The following NLRP13 variants were observed in gnomAD, a reference collection of about 807,000 sequenced individuals.
NLRP13 encodes NLR family pyrin domain containing 13.
A neutral mutation model predicts 94.4 loss-of-function variants in NLRP13; 82 were observed. The observed-to-expected ratio is 0.87, with a 90% confidence interval of 0.73 to 1.04. NLRP13 has a LOEUF of 1.04. NLRP13 is among the 50% of genes least tolerant of loss of function. The pLI is 0.00. For missense variants in NLRP13, 1,426 were observed against 1,230.8 expected (o/e 1.16, Z -2.37); for synonymous variants, 553 against 464.7 (o/e 1.19, Z -2.45).
intron 4 of NLRP13, among the ~76,000 whole-genome samples, chr19:55,914,772 G>A (rs550542687): frequency 2.6e-5 from 4 of 152,288 alleles, no homozygotes; most frequent in Middle Eastern, 3.4e-3. Context: ...TTTAAAGGCT[G>A]AATAGTATTC....
intron 6 of NLRP13, among the ~76,000 whole-genome samples, chr19:55,909,540 G>GA (rs56165547): frequency 0.72 from 104,923 of 146,144 alleles, 37,484 homozygotes; most frequent in Middle Eastern, 0.78. Context: ...GGATCTCCAG[G>GA]AAAAAAAAAA....
At chr19:55,931,722 A>AGAAAGAAAGAAAGAAAGAAAG (rs1468023647) in intron 1 of NLRP13, among the ~76,000 whole-genome samples, 23 of 107,402 alleles carry the variant, frequency 2.1e-4, no homozygotes, top group African/African-American at 8.2e-4. Context: ...AAAAAAAAAA[A>AGAAAGAAAGAAAGAAAGAAAG]AAAGAAAGAA....
intron 4 of NLRP13, among the ~76,000 whole-genome samples, chr19:55,920,984 G>A (rs1440363982): frequency 6.6e-6 from 1 of 152,070 alleles, no homozygotes; most frequent in South Asian, 2.1e-4. Flanking sequence ...AGAACTGGAG[G>A]CCATTATCTT....
intron 10 of NLRP13, among the ~76,000 whole-genome samples, chr19:55,897,768 T>C (rs1986053723): frequency 6.6e-6 from 1 of 152,212 alleles, no homozygotes; most frequent in African/African-American, 2.4e-5. Context: ...ATAGTAGATT[T>C]AACAATCTCT....
At chr19:55,928,477 C>T (rs771537958) in intron 1 of NLRP13, among the ~76,000 whole-genome samples, 1 of 152,088 alleles carries the variant, frequency 6.6e-6, no homozygotes, top group East Asian at 1.9e-4. Context: ...GGACACACTC[C>T]ATTTACCCCT....
intron 7 of NLRP13, among the ~76,000 whole-genome samples, chr19:55,906,562 C>T (rs891693748): frequency 1.3e-5 from 2 of 151,982 alleles, no homozygotes; most frequent in East Asian, 1.9e-4. Flanking sequence ...ACGTTGGTAG[C>T]GTGGAGGACT....
At chr19:55,924,767 A>T in intron 2 of NLRP13, 109 bp from the exon 3 acceptor site, 1 of 969,716 alleles carries the variant, frequency 1.0e-6, no homozygotes, top group Non-Finnish European at 1.6e-6. Context: ...AACGGGATTG[A>T]AGAGACTGGA....
rs577480382 is a variant in NLRP13 at position 55,913,404 on chromosome 19, C to A, written c.524-111G>T. On this transcript the variant is annotated intron_variant, in intron 4 of 10. Coordinates refer to ENST00000342929, the MANE Select transcript of NLRP13 (RefSeq NM_176810.2). ...ACTTGAATAAGAGAAACTCTGCCTTCCAGGATTTTGTGGGAATGCAGTGGT... is the reference window on the plus strand; with the variant it reads ...ACTTGAATAAGAGAAACTCTGCCTTACAGGATTTTGTGGGAATGCAGTGGT... The A allele has an allele frequency of 9.5e-6, 12 of 1,257,342 alleles. No individual in the cohort carries two copies. The Admixed American group carries it at 1.9e-4, about 20-fold the overall frequency. The allele number at this position is 1,257,342 out of a possible 1,614,324, so 77.9% of individuals were successfully genotyped here. A position where few individuals can be genotyped will look rare whatever the true frequency, so the allele number is the denominator to read the frequency against.
In NLRP13 at chr19:55,916,633, C is replaced by T. The variant is rs188096300; in HGVS notation, c.524-3340G>A. ...CAAAGAAGAGGAAAGAATCTCAGAA[C>T]TTGAAGGTCTTTTGAATTAATTTAG... On this transcript the variant is annotated intron_variant, in intron 4 of 10. Coordinates refer to ENST00000342929, the MANE Select transcript of NLRP13 (RefSeq NM_176810.2). Among the ~76,000 whole-genome samples the T allele has an allele frequency of 2.4e-3, 368 of 152,212 alleles. 3 individuals are homozygous for T. The highest frequency in any genetic ancestry group is 8.6e-3 in the African/African-American group (357 of 41,548).
chr19:55,904,533 TCTA>T (rs1348029328), intron 8 of NLRP13, among the ~76,000 whole-genome samples: 2 of 152,208 alleles, frequency 1.3e-5, no homozygotes, highest in Non-Finnish European at 2.9e-5. Context: ...TCCCTGTCAT[TCTA>T]CTCTCGTTCT....
chr19:55,907,305 A>T (rs1347749075), intron 7 of NLRP13, among the ~76,000 whole-genome samples: 2 of 151,964 alleles, frequency 1.3e-5, no homozygotes, highest in Admixed American at 6.5e-5. Context: ...GGGCACATTG[A>T]CTCACGCCTG....
rs374350130 is a variant in NLRP13 at position 55,896,106 on chromosome 19, T to G, written c.2971A>C (p.Asn991His). The change falls in exon 11 of 11, where the codon AAT (asparagine) becomes CAT (histidine). Residue 991 changes from asparagine (N) to histidine (H), a missense_variant. Asn to His is a moderately conservative substitution (Grantham distance 68). Transcript: ENST00000342929. ...ALHTLGLAKC[N>H]LTTACCQHLF... is the part of the protein sequence containing the mutation. ...TGCTGGCAGCAAGCAGTTGTCAGAT[T>G]GCATTTCGCCAACCTAGGGGCGGGT... The G allele has an allele frequency of 2.6e-5, 42 of 1,613,968 alleles. No individual in the cohort carries two copies. Among genetic ancestry groups the G allele is most frequent in the Non-Finnish European group, 3.5e-5 (41 of 1,179,990 alleles).
chr19:55,909,287 A>G (rs1339649710), intron 6 of NLRP13, among the ~76,000 whole-genome samples: 1 of 152,040 alleles, frequency 6.6e-6, no homozygotes, highest in African/African-American at 2.4e-5. Context: ...TCCTCCTTGG[A>G]TCATATTAGC....
chr19:55,895,196 G>GT (rs1600255149), downstream of NLRP13, among the ~76,000 whole-genome samples: 2 of 40,424 alleles, frequency 4.9e-5, no homozygotes, highest in Admixed American at 3.7e-4. Context: ...CTAAAAGTAT[G>GT]TTAAAAAAAA....
chr19:55,929,918 A>C (rs555655840), intron 1 of NLRP13, among the ~76,000 whole-genome samples: 1 of 152,208 alleles, frequency 6.6e-6, no homozygotes, highest in Non-Finnish European at 1.5e-5. Flanking sequence ...CAGTAAAAAA[A>C]AGAATTCTAA....
At chr19:55,903,833 T>TTGACC (rs1568689347) in intron 8 of NLRP13, among the ~76,000 whole-genome samples, 1 of 152,156 alleles carries the variant, frequency 6.6e-6, no homozygotes, top group Non-Finnish European at 1.5e-5. Flanking sequence ...TCCTGGTCAA[T>TTGACC]AGGAGCCCTA....
chr19:55,916,951 T>TA (rs551143194), intron 4 of NLRP13, among the ~76,000 whole-genome samples: 1,643 of 152,000 alleles, frequency 0.011, 23 homozygotes, highest in African/African-American at 0.033. Context: ...AAAAACGTCC[T>TA]AAAAAAAATC....
chr19:55,911,146 G>A (rs958141827), intron 5 of NLRP13, among the ~76,000 whole-genome samples: 2 of 152,216 alleles, frequency 1.3e-5, no homozygotes, highest in Non-Finnish European at 2.9e-5. Flanking sequence ...GACAGAGAAA[G>A]ATGAGCAAAG....
At chr19:55,916,579 A>G (rs949506927) in intron 4 of NLRP13, among the ~76,000 whole-genome samples, 1 of 152,178 alleles carries the variant, frequency 6.6e-6, no homozygotes, top group African/African-American at 2.4e-5. Flanking sequence ...GTTACAAAAT[A>G]TAGCTGAAAG....
Sources: allele counts gnomAD v4.1 joint callset (sites outside exome capture counted in the v4.1 genomes callset), GRCh38; gene constraint gnomAD v4.1.1; transcripts MANE v1.5; gene names NCBI Gene and HGNC (gene_info 2026-07-23, HGNC 2026-07-21).